Variants in DCDC1 observed in about 807,000 individuals in gnomAD.
The protein encoded by DCDC1 is doublecortin domain-containing protein 1.
Under a neutral mutation model 178.3 loss-of-function variants are expected in DCDC1, and 200 were observed. The observed-to-expected ratio is 1.12, with a 90% CI of 1.00 to 1.26. DCDC1 has a LOEUF of 1.26. Ranked by LOEUF, DCDC1 falls within the 50% of genes most tolerant of loss-of-function variation. The pLI is 0.00. For missense variants in DCDC1, 1,983 were observed against 1,749.2 expected (o/e 1.13, Z -2.38); for synonymous variants, 690 against 604.8 (o/e 1.14, Z -2.07).
At chr11:31,031,469 C>T (rs1205700139) in intron 20 of DCDC1, among the ~76,000 whole-genome samples, 1 of 151,976 alleles carries the variant, frequency 6.6e-6, no homozygotes, top group Non-Finnish European at 1.5e-5. Context: ...ATTGTAATAA[C>T]TTCAATTTTT....
intron 7 of DCDC1, among the ~76,000 whole-genome samples, chr11:31,278,432 T>C (rs1408527228): frequency 6.6e-6 from 1 of 152,136 alleles, no homozygotes; most frequent in Non-Finnish European, 1.5e-5. Flanking sequence ...AAATACCACA[T>C]GATTTCACTT....
In DCDC1 at chr11:30,952,482, T is replaced by C; in HGVS notation, c.2678A>G (p.Tyr893Cys). 2 of 1,585,276 alleles carry C rather than the reference T, an allele frequency of 1.3e-6. No homozygotes were observed. Among genetic ancestry groups the C allele is most frequent in the Non-Finnish European group, 1.7e-6 (2 of 1,170,128 alleles). Residue 893 changes from tyrosine (Y) to cysteine (C), a missense_variant, in exon 21 of 39, where the codon TAC (tyrosine) becomes TGC (cysteine). Coordinates refer to ENST00000684477, the MANE Select transcript of DCDC1 (RefSeq NM_001387274.1). Reference protein sequence around the residue: ...VENPLWNKLTYMWPVLPSGQL... With the variant: ...VENPLWNKLTCMWPVLPSGQL... ...GCCACTGGGAAGGACAGGCCACATG[T>C]AGGTAAGCTTGTTCCATAGAGGATT... is the stretch of plus-strand genomic sequence containing the variant.
intron 1 of DCDC1, among the ~76,000 whole-genome samples, chr11:31,352,553 A>G (rs1269691203): frequency 6.6e-6 from 1 of 152,190 alleles, no homozygotes; most frequent in African/African-American, 2.4e-5. Context: ...AAGGCATTCC[A>G]TATATTAAGG....
chr11:31,229,058 TAA>T (rs1002058088), intron 9 of DCDC1, among the ~76,000 whole-genome samples: 11 of 151,946 alleles, frequency 7.2e-5, no homozygotes, highest in South Asian at 2.1e-4. Flanking sequence ...TGAAATAATA[TAA>T]GAGTAAACAA....
At chr11:31,166,269 G>A (rs1010149508) in intron 9 of DCDC1, among the ~76,000 whole-genome samples, 10 of 152,066 alleles carry the variant, frequency 6.6e-5, no homozygotes, top group African/African-American at 2.4e-4. Context: ...TTATTGATGA[G>A]TATCATGAAA....
At chr11:30,927,646 A>G (rs1946669562) in intron 22 of DCDC1, among the ~76,000 whole-genome samples, 1 of 152,194 alleles carries the variant, frequency 6.6e-6, no homozygotes, top group African/African-American at 2.4e-5. Context: ...GCAACTTTAC[A>G]GAAAGTAGAA....
At chr11:31,111,624 CT>C (rs1959177223) in intron 11 of DCDC1, among the ~76,000 whole-genome samples, 1 of 152,154 alleles carries the variant, frequency 6.6e-6, no homozygotes, top group African/African-American at 2.4e-5. Flanking sequence ...GTAAACCCAA[CT>C]TTTGCCTGCA....
rs978616413 is a variant in DCDC1 at position 30,894,116 on chromosome 11, T to A, written c.4902+132A>T. 252 of 1,245,972 alleles carry A rather than the reference T, an allele frequency of 2.0e-4. 1 individual carries two copies. Among genetic ancestry groups the A allele is most frequent in the Admixed American group, 6.8e-5 (2 of 29,274 alleles). The allele number at this position is 1,245,972 out of a possible 1,614,324, so 77.2% of individuals were successfully genotyped here. On this transcript the variant is annotated intron_variant, in intron 35 of 38. Coordinates refer to ENST00000684477, the MANE Select transcript of DCDC1 (RefSeq NM_001387274.1). Reference sequence around the variant, plus strand: ...CCAAATGCCAACTCAATGCTTGGCATATGCTTATATGGTCATAACTGATCA... The same window carrying A: ...CCAAATGCCAACTCAATGCTTGGCAAATGCTTATATGGTCATAACTGATCA...
chr11:31,222,293 A>G (rs1974360685), intron 9 of DCDC1, among the ~76,000 whole-genome samples: 1 of 152,024 alleles, frequency 6.6e-6, no homozygotes, highest in Non-Finnish European at 1.5e-5. Context: ...AGAACTCCTG[A>G]GTTCAGGTGA....
rs528128789 is a variant in DCDC1 at position 31,127,459 on chromosome 11, C to G, written c.1485+10G>C. 34 of 701,124 alleles carry G rather than the reference C, an allele frequency of 4.8e-5. No individual in the cohort carries two copies. Among genetic ancestry groups the G allele is most frequent in the Non-Finnish European group, 8.3e-5 (32 of 384,014 alleles). 43.4% of individuals were successfully genotyped at this position (701,124 alleles called of 1,614,324 possible). ...GCTGAATCCAATGAGAGGCACAGAACGACACCCACCTTAAGCTGCAGGCCT... is the reference window on the plus strand; with the variant it reads ...GCTGAATCCAATGAGAGGCACAGAAGGACACCCACCTTAAGCTGCAGGCCT... On this transcript the variant is annotated intron_variant, in intron 11 of 38. Transcript: ENST00000684477.
chr11:31,253,330 T>G (rs999914750), intron 8 of DCDC1, among the ~76,000 whole-genome samples: 1 of 151,854 alleles, frequency 6.6e-6, no homozygotes, highest in Non-Finnish European at 1.5e-5. Flanking sequence ...CCCAGTTCCA[T>G]CGTAGATATT....
At chr11:31,180,443 G>A (rs1000816936) in intron 9 of DCDC1, among the ~76,000 whole-genome samples, 1 of 152,202 alleles carries the variant, frequency 6.6e-6, no homozygotes, top group African/African-American at 2.4e-5. Flanking sequence ...CCGGTCTGCA[G>A]CTCTCAGTGA....
At chr11:30,887,576 T>C (rs187557313) in intron 36 of DCDC1, among the ~76,000 whole-genome samples, 4 of 152,340 alleles carry the variant, frequency 2.6e-5, no homozygotes, top group African/African-American at 9.6e-5. Context: ...AAGTAAGGTA[T>C]TTGTTAGTCT....
intron 9 of DCDC1, among the ~76,000 whole-genome samples, chr11:31,152,877 A>G (rs897805892): frequency 6.6e-6 from 1 of 152,186 alleles, no homozygotes; most frequent in African/African-American, 2.4e-5. Flanking sequence ...AATGAGCAAA[A>G]TTGGAACACT....
chr11:30,938,278 TTCTC>T (rs1392554266), intron 21 of DCDC1, among the ~76,000 whole-genome samples: 1 of 152,060 alleles, frequency 6.6e-6, no homozygotes, highest in Admixed American at 6.6e-5. Context: ...TTCTTCCTCT[TTCTC>T]TCTCTGGGCA....
chr11:30,927,182 T>A (rs918032627), intron 22 of DCDC1, among the ~76,000 whole-genome samples: 2 of 152,166 alleles, frequency 1.3e-5, no homozygotes, highest in Non-Finnish European at 2.9e-5. Flanking sequence ...AGCTGCCCCT[T>A]ACAATGTTCT....
chr11:31,286,362 CATT>C (rs1404241066), intron 7 of DCDC1, among the ~76,000 whole-genome samples: 1 of 151,954 alleles, frequency 6.6e-6, no homozygotes, highest in Non-Finnish European at 1.5e-5. Context: ...AGTAAGTTAA[CATT>C]ATATTATTCA....
At chr11:31,178,926 T>G (rs1968427700) in intron 9 of DCDC1, among the ~76,000 whole-genome samples, 1 of 152,076 alleles carries the variant, frequency 6.6e-6, no homozygotes, top group African/African-American at 2.4e-5. Flanking sequence ...CTCCTGACCT[T>G]GTGACTTGCC....
intron 9 of DCDC1, among the ~76,000 whole-genome samples, chr11:31,220,622 T>A (rs1974157965): frequency 6.6e-6 from 1 of 152,232 alleles, no homozygotes; most frequent in South Asian, 2.1e-4. Context: ...TAAAATTTTA[T>A]GTAAGACAAA....
Sources: gnomAD v4.1 joint callset for allele counts (sites outside exome capture counted in the v4.1 genomes callset) on GRCh38, gnomAD v4.1.1 for gene constraint, MANE v1.5 for transcripts, NCBI Gene and HGNC (gene_info 2026-07-23, HGNC 2026-07-21) for gene names.